The following DSE variants were observed in gnomAD, a reference collection of about 807,000 sequenced individuals.
DSE encodes dermatan sulfate epimerase.
Under a neutral mutation model 84.4 loss-of-function variants are expected in DSE, and 36 were observed. The ratio of observed to expected loss-of-function variants is 0.43; its 90% CI spans 0.33 to 0.56. The LOEUF is 0.56. Ranked by LOEUF, DSE falls within the 20% of genes least tolerant of loss-of-function variation. The pLI is 0.06. For missense variants in DSE, 862 were observed against 1,169.6 expected (o/e 0.74, Z 3.84); for synonymous variants, 410 against 430.1 (o/e 0.95, Z 0.58).
At chr6:116,286,907 C>T (rs1349005094) in intron 2 of DSE, among the ~76,000 whole-genome samples, 1 of 152,148 alleles carries the variant, frequency 6.6e-6, no homozygotes, top group Admixed American at 6.6e-5. Flanking sequence ...ATACATTTCA[C>T]ATTTCTTAAA....
At chr6:116,381,198 T>C (rs1280178675) in intron 1 of DSE, among the ~76,000 whole-genome samples, 1 of 152,116 alleles carries the variant, frequency 6.6e-6, no homozygotes, top group South Asian at 2.1e-4. Context: ...TGTTGTGTTC[T>C]TTGAATGAGG....
chr6:116,266,419 C>T (rs749346074), intron 2 of DSE, among the ~76,000 whole-genome samples: 41 of 152,148 alleles, frequency 2.7e-4, no homozygotes, highest in Non-Finnish European at 5.1e-4. Flanking sequence ...TCAAAACTTG[C>T]AGAATGAGTA....
At chr6:116,263,496 C>A (rs1772499168) in intron 2 of DSE, among the ~76,000 whole-genome samples, 1 of 151,870 alleles carries the variant, frequency 6.6e-6, no homozygotes, top group Non-Finnish European at 1.5e-5. Context: ...CTATATATGT[C>A]ATTGCATGTG....
intron 2 of DSE, among the ~76,000 whole-genome samples, chr6:116,345,083 A>G (rs140259669): frequency 0.022 from 3,405 of 152,302 alleles, 138 homozygotes; most frequent in African/African-American, 0.078. Flanking sequence ...CTAAATATAT[A>G]TGCACCCAAT....
At position 116,399,607 on chromosome 6, in the gene DSE, C is replaced by T. The variant is rs1372958281; in HGVS notation, c.357C>T (p.Asn119=). 2.5e-6 allele frequency: 4 copies of T among 1,614,208 alleles called. No individual in the cohort carries two copies. Among genetic ancestry groups the T allele is most frequent in the Non-Finnish European group, 3.4e-6 (4 of 1,180,038 alleles). Residue 119 remains asparagine (N), a synonymous_variant, in exon 2 of 6, where the codon AAC becomes AAT. Transcript: ENST00000644252. ...TGTTCTGTGTGCTGTATCCTGAGAA[C>T]ATTGAAGCCCGAGACATGGCCAAAG... ...LAMFCVLYPE[N]IEARDMAKDY... is the part of the protein sequence containing the mutation.
At chr6:116,316,842 T>TATTATTATTATTATTATG (rs1381206153) in intron 2 of DSE, among the ~76,000 whole-genome samples, 1 of 150,740 alleles carries the variant, frequency 6.6e-6, no homozygotes, top group African/African-American at 2.4e-5. Flanking sequence ...TTATTATTAT[T>TATTATTATTATTATTATG]ATTATTATTA....
chr6:116,305,059 A>G (rs1775261620), intron 2 of DSE, among the ~76,000 whole-genome samples: 1 of 152,210 alleles, frequency 6.6e-6, no homozygotes, highest in South Asian at 2.1e-4. Context: ...CCTAGAATCA[A>G]ACAAAAACAA....
chr6:116,268,189 C>T (rs887858499), intron 2 of DSE, among the ~76,000 whole-genome samples: 64 of 152,246 alleles, frequency 4.2e-4, no homozygotes, highest in Non-Finnish European at 2.1e-4. Flanking sequence ...TTTATGCCAT[C>T]TTTTTACAGT....
chr6:116,263,026 T>G (rs1772479414), intron 2 of DSE, among the ~76,000 whole-genome samples: 2 of 152,204 alleles, frequency 1.3e-5, no homozygotes, highest in South Asian at 4.1e-4. Context: ...AGTGTTTTAC[T>G]TCCAATTATG....
At chr6:116,350,640 G>T (rs951565928) in intron 2 of DSE, among the ~76,000 whole-genome samples, 12 of 152,114 alleles carry the variant, frequency 7.9e-5, no homozygotes, top group African/African-American at 2.7e-4. Flanking sequence ...ACATTGTTTT[G>T]TACTCATTTG....
chr6:116,274,369 G>A (rs1020786815), intron 2 of DSE, among the ~76,000 whole-genome samples: 4 of 151,842 alleles, frequency 2.6e-5, no homozygotes, highest in Non-Finnish European at 5.9e-5. Flanking sequence ...TGAGACCAGC[G>A]TGACCAACAT....
At chr6:116,316,228 G>A (rs1388430474) in intron 2 of DSE, among the ~76,000 whole-genome samples, 1 of 152,070 alleles carries the variant, frequency 6.6e-6, no homozygotes, top group African/African-American at 2.4e-5. Flanking sequence ...GTTTAAAGGG[G>A]CAGATGGAAG....
rs560308066 is a variant in DSE at position 116,422,538 on chromosome 6, C to T, written c.417-4036C>T. Among the ~76,000 whole-genome samples the T allele has an allele frequency of 6.6e-5, 10 of 152,288 alleles. No individual in the cohort carries two copies. In the South Asian group the frequency reaches 2.1e-3, roughly 32 times the overall value. ...AGTGCATGACTTCTTTTGTTTGTAA[C>T]GTTCTTGTACTTTGGTACTCCGTTT... On this transcript the variant is annotated intron_variant, in intron 2 of 5. Coordinates refer to ENST00000644252, the MANE Select transcript of DSE (RefSeq NM_013352.4).
intron 2 of DSE, among the ~76,000 whole-genome samples, chr6:116,274,696 A>G (rs1396175620): frequency 6.6e-6 from 1 of 152,214 alleles, no homozygotes; most frequent in Non-Finnish European, 1.5e-5. Context: ...TACCCTGCCT[A>G]TATCAAGAAA....
At chr6:116,276,123 A>G (rs866525240) in intron 2 of DSE, among the ~76,000 whole-genome samples, 65 of 152,340 alleles carry the variant, frequency 4.3e-4, no homozygotes, top group African/African-American at 1.4e-3. Flanking sequence ...AGAAACATTT[A>G]TCTCCTCTAT....
intron 2 of DSE, among the ~76,000 whole-genome samples, chr6:116,416,075 T>C (rs956910601): frequency 6.6e-6 from 1 of 152,186 alleles, no homozygotes; most frequent in Non-Finnish European, 1.5e-5. Context: ...TGCTTGTAGC[T>C]CCCTGCCTCC....
At chr6:116,381,374 A>G (rs1780214347) in intron 1 of DSE, among the ~76,000 whole-genome samples, 1 of 152,216 alleles carries the variant, frequency 6.6e-6, no homozygotes, top group Admixed American at 6.5e-5. Flanking sequence ...GAGCTAGATT[A>G]TGAAAGCTCT....
chr6:116,320,611 T>C (rs541784052), intron 2 of DSE, among the ~76,000 whole-genome samples: 1 of 152,224 alleles, frequency 6.6e-6, no homozygotes, highest in Admixed American at 6.5e-5. Context: ...ATTTATTTTC[T>C]CACATCTGGA....
chr6:116,342,296 T>TTC (rs1241018320), intron 2 of DSE, among the ~76,000 whole-genome samples: 18 of 151,354 alleles, frequency 1.2e-4, no homozygotes, highest in Non-Finnish European at 1.8e-4. Flanking sequence ...TTTTTTTTTT[T>TTC]CGAGATGGAG....
Sources: allele counts gnomAD v4.1 joint callset (sites outside exome capture counted in the v4.1 genomes callset), GRCh38; gene constraint gnomAD v4.1.1; transcripts MANE v1.5; gene names NCBI Gene and HGNC (gene_info 2026-07-23, HGNC 2026-07-21).